The following UBAC2 variants were observed in gnomAD, a reference collection of about 807,000 sequenced individuals.
UBAC2 encodes ubiquitin-associated domain-containing protein 2.
A neutral mutation model predicts 44.0 loss-of-function variants in UBAC2; 26 were observed. That is an observed-to-expected ratio of 0.59 (90% CI 0.43 to 0.82). The LOEUF (loss-of-function observed/expected upper bound fraction) is 0.82. Among genes scored for constraint, UBAC2 ranks in the 40% least tolerant of loss-of-function variants. The pLI, the probability that UBAC2 is intolerant of heterozygous loss-of-function variation, is 0.00. For missense variants in UBAC2, 329 were observed against 419.4 expected (o/e 0.78, Z 1.88); for synonymous variants, 155 against 154.3 (o/e 1.00, Z -0.04).
rs764012022 is a variant in UBAC2 at position 99,385,331 on chromosome 13, A to T, written c.1031A>T (p.His344Leu). 6.8e-6 allele frequency: 11 copies of T among 1,613,512 alleles called. No homozygotes were observed. The South Asian group carries it at 1.1e-4, about 16-fold the overall frequency. Residue 344 changes from histidine to leucine, a missense_variant, in exon 9 of 9, where the codon CAC (histidine) becomes CTC (leucine). Coordinates refer to ENST00000403766, the MANE Select transcript of UBAC2 (RefSeq NM_001144072.2). ...LNVATNFLLQ[H>L] ...GTCGCCACCAACTTCCTGCTGCAGC[A>T]CTGATAGTCCCAGGCCAACACTGGG...
intron 4 of UBAC2, among the ~76,000 whole-genome samples, chr13:99,305,748 G>A (rs561998832): frequency 6.6e-6 from 1 of 152,264 alleles, no homozygotes; most frequent in South Asian, 2.1e-4. Flanking sequence ...TGAACATTTT[G>A]TGGAGTAGCA....
At chr13:99,215,636 C>T (rs965606908) in intron 1 of UBAC2, 9 of 1,334,866 alleles carry the variant, frequency 6.7e-6, no homozygotes, top group South Asian at 1.3e-5. Context: ...TGTGACCCGT[C>T]GTCCTAGATT....
chr13:99,275,654 C>G (rs1451500101), intron 4 of UBAC2, among the ~76,000 whole-genome samples: 1 of 152,114 alleles, frequency 6.6e-6, no homozygotes, highest in African/African-American at 2.4e-5. Flanking sequence ...ACCCACCCCC[C>G]AGGTTTTATT....
chr13:99,252,900 CTCT>C (rs1031986653), intron 4 of UBAC2, among the ~76,000 whole-genome samples: 113 of 152,074 alleles, frequency 7.4e-4, no homozygotes, highest in African/African-American at 2.6e-3. Flanking sequence ...TGAGACTAAA[CTCT>C]TCTTATCAAG....
intron 8 of UBAC2, among the ~76,000 whole-genome samples, chr13:99,384,183 G>A (rs953147391): frequency 4.6e-5 from 7 of 152,196 alleles, no homozygotes; most frequent in Non-Finnish European, 7.4e-5. Flanking sequence ...GCTCTCTTTC[G>A]GAAAGAAAAA....
At chr13:99,269,120 AC>A (rs2043784302) in intron 4 of UBAC2, among the ~76,000 whole-genome samples, 1 of 152,136 alleles carries the variant, frequency 6.6e-6, no homozygotes, top group Non-Finnish European at 1.5e-5. Context: ...TGAATTTGAC[AC>A]TGAGGATACT....
chr13:99,255,266 T>C (rs374331780), intron 4 of UBAC2: 1 of 1,614,062 alleles, frequency 6.2e-7, no homozygotes, highest in Non-Finnish European at 8.5e-7. Flanking sequence ...CACCCAATCA[T>C]GATGAACAAA....
chr13:99,215,504 G>T, intron 1 of UBAC2: 1 of 1,466,120 alleles, frequency 6.8e-7, no homozygotes, highest in Non-Finnish European at 9.5e-7. Flanking sequence ...TGCAAGTGAC[G>T]AGGGGTAATA....
At chr13:99,287,845 T>A (rs2138700393) in intron 4 of UBAC2, among the ~76,000 whole-genome samples, 1 of 152,236 alleles carries the variant, frequency 6.6e-6, no homozygotes, top group East Asian at 1.9e-4. Flanking sequence ...TTGCCCTTGC[T>A]CCCTTACTGG....
intron 6 of UBAC2, among the ~76,000 whole-genome samples, chr13:99,335,850 G>A (rs2044781412): frequency 6.6e-6 from 1 of 152,180 alleles, no homozygotes; most frequent in African/African-American, 2.4e-5. Context: ...CCTCGGGACT[G>A]TGTGAGAGTT....
chr13:99,371,093 G>GA (rs369257399), intron 8 of UBAC2, among the ~76,000 whole-genome samples: 39 of 149,012 alleles, frequency 2.6e-4, no homozygotes, highest in African/African-American at 4.2e-4. Context: ...GGCACTTCAG[G>GA]AAAAAAAAAG....
At chr13:99,323,617 T>C (rs770676340) in intron 6 of UBAC2, among the ~76,000 whole-genome samples, 3 of 152,208 alleles carry the variant, frequency 2.0e-5, no homozygotes, top group Non-Finnish European at 2.9e-5. Context: ...GCTTGTCCAA[T>C]GTACACCCCA....
chr13:99,201,301 C>G, intron 1 of UBAC2: 1 of 1,469,756 alleles, frequency 6.8e-7, no homozygotes, highest in Non-Finnish European at 9.0e-7. Context: ...AGGGGCCGTC[C>G]CCCTTACCAT....
chr13:99,370,504 C>G (rs1923894), intron 8 of UBAC2, among the ~76,000 whole-genome samples: 2 of 152,076 alleles, frequency 1.3e-5, no homozygotes, highest in African/African-American at 4.8e-5. Flanking sequence ...TCCCTTTCAG[C>G]AAACAAAACA....
chr13:99,321,145 A>T (rs1396940204), intron 6 of UBAC2, among the ~76,000 whole-genome samples: 1 of 152,238 alleles, frequency 6.6e-6, no homozygotes, highest in Non-Finnish European at 1.5e-5. Context: ...TGTGGTTTTT[A>T]AGAAAAAGAG....
At chr13:99,306,732 C>T (rs2044342381) in intron 4 of UBAC2, among the ~76,000 whole-genome samples, 1 of 152,100 alleles carries the variant, frequency 6.6e-6, no homozygotes, top group South Asian at 2.1e-4. Context: ...GTATAAACCA[C>T]ACAACAGACT....
rs374854407 is a variant in UBAC2 at position 99,361,622 on chromosome 13, T to C, written c.808-6165T>C. Among the ~76,000 whole-genome samples, 207 of 152,288 alleles carry C rather than the reference T, an allele frequency of 1.4e-3. 2 individuals are homozygous for C. The highest frequency in any genetic ancestry group is 4.9e-3 in the African/African-American group (202 of 41,534). ...TCTCAACCTAAACACCATTGACATT[T>C]TGATCCAGACCATTCTTTGTTATAG... On this transcript the variant is annotated intron_variant, in intron 7 of 8. Coordinates refer to ENST00000403766, the MANE Select transcript of UBAC2 (RefSeq NM_001144072.2).
At chr13:99,240,169 G>T (rs2043283917) in intron 2 of UBAC2, among the ~76,000 whole-genome samples, 1 of 152,162 alleles carries the variant, frequency 6.6e-6, no homozygotes, top group Admixed American at 6.5e-5. Context: ...TGAATGCAGA[G>T]GTACAGTCAG....
chr13:99,301,924 ATC>A (rs1474821055), intron 4 of UBAC2, among the ~76,000 whole-genome samples: 1 of 152,202 alleles, frequency 6.6e-6, no homozygotes, highest in Non-Finnish European at 1.5e-5. Flanking sequence ...TATTTTAATA[ATC>A]ATCAACACCT....
Sources: allele counts gnomAD v4.1 joint callset (sites outside exome capture counted in the v4.1 genomes callset), GRCh38; gene constraint gnomAD v4.1.1; transcripts MANE v1.5; gene names NCBI Gene and HGNC (gene_info 2026-07-23, HGNC 2026-07-21).